The following ATG2A variants were observed in gnomAD, a reference collection of about 807,000 sequenced individuals.
ATG2A encodes the protein autophagy related 2A, also known as autophagy-related protein 2 homolog A.
In ATG2A, 103 loss-of-function variants were observed where a neutral mutation model predicts 214.2. The observed-to-expected ratio is 0.48, with a 90% CI of 0.41 to 0.57. The LOEUF is 0.57. ATG2A is among the 20% of genes least tolerant of loss of function. The pLI, the probability that ATG2A is intolerant of heterozygous loss-of-function variation, is 0.00. For synonymous variants in ATG2A, 1,160 were observed against 1,142.1 expected, an observed-to-expected ratio of 1.02 and a Z score of -0.32; for missense variants, 2,312 against 2,613.2, an observed-to-expected ratio of 0.88 and a Z score of 2.51.
chr11:64,912,519 C>T, intron 6 of ATG2A, 96 bp from the exon 7 acceptor site: 1 of 1,061,678 alleles, frequency 9.4e-7, no homozygotes, highest in Admixed American at 2.8e-5. Context: ...AAGCAGGATG[C>T]TGGCTACCAA....
Position 64,898,943 on chromosome 11 carries a change from T to A in ATG2A, c.4465-101A>T, listed in dbSNP as rs1396507298. 10 of 1,156,840 alleles carry A rather than the reference T, an allele frequency of 8.6e-6. No individual in the cohort carries two copies. Among genetic ancestry groups the A allele is most frequent in the Non-Finnish European group, 1.2e-5 (10 of 819,916 alleles). 71.7% of individuals were successfully genotyped at this position (1,156,840 alleles called of 1,614,324 possible). On this transcript the variant is annotated intron_variant, in intron 31 of 40. Transcript: ENST00000377264. The surrounding 1 kb of genome is among the most constrained non-coding windows in gnomAD (Gnocchi z 4.5). ...TCTATTCTTTTTTTGAGACAGAGTC[T>A]CACTCTGTCGCCCAGGTTGGAGTGC...
chr11:64,897,318 G>A (rs996959290), intron 37 of ATG2A, 94 bp downstream of exon 37: 2 of 1,413,780 alleles, frequency 1.4e-6, no homozygotes, highest in Non-Finnish European at 9.7e-7. Context: ...CCCTGAGAAG[G>A]GTGATGACTT....
intron 14 of ATG2A, 139 bp from the exon 15 acceptor site, chr11:64,909,506 C>T: frequency 7.2e-7 from 1 of 1,397,156 alleles, no homozygotes; most frequent in Admixed American, 1.9e-5. Context: ...ACAAAGGGTC[C>T]ACCCTACTTG....
intron 1 of ATG2A, among the ~76,000 whole-genome samples, chr11:64,916,102 G>A (rs1478776947): frequency 5.9e-5 from 9 of 152,292 alleles, no homozygotes; most frequent in East Asian, 3.9e-4. Context: ...ACCAGGACGC[G>A]CCTCTAATTG....
intron 22 of ATG2A, 132 bp downstream of exon 22, chr11:64,905,981 G>C: frequency 7.3e-7 from 1 of 1,376,236 alleles, no homozygotes; most frequent in Non-Finnish European, 1.0e-6. Context: ...CCTTGCCCAG[G>C]AGCTCCGGAC....
In ATG2A at chr11:64,910,106, G is replaced by T; in HGVS notation, c.1797C>A (p.Ala599=). ...ANFQADVELG[A]LDRLAALLRL... is the part of the protein sequence containing the mutation. ...GCAGTAGGGCGGCCAGCCGGTCCAGGGCCCCCAGCTCCACGTCCGCCTGGA... is the reference window on the plus strand; with the variant it reads ...GCAGTAGGGCGGCCAGCCGGTCCAGTGCCCCCAGCTCCACGTCCGCCTGGA... The change falls in exon 13 of 41, where the codon GCC becomes GCA. Residue 599 remains alanine, a synonymous_variant. Transcript: ENST00000377264. 1 of 1,611,328 alleles carries T rather than the reference G, an allele frequency of 6.2e-7. No homozygotes were observed. The highest frequency in any genetic ancestry group is 1.1e-5 in the South Asian group (1 of 91,016).
In ATG2A at chr11:64,903,974, G is replaced by A. The variant is rs957610705; in HGVS notation, c.3465-314C>T. 1.3e-5 allele frequency among the ~76,000 whole-genome samples: 2 copies of A among 152,180 alleles called. No homozygotes were observed. Among genetic ancestry groups the A allele is most frequent in the Admixed American group, 6.5e-5 (1 of 15,280 alleles). On this transcript the variant is annotated intron_variant, in intron 24 of 40. Coordinates refer to ENST00000377264, the MANE Select transcript of ATG2A (RefSeq NM_015104.3). The surrounding 1 kb of genome is among the most constrained non-coding windows in gnomAD (Gnocchi z 4.2). Reference sequence around the variant, plus strand: ...ATAAGTCCTTATTTTTGGCTGGCGCGGTGGCTCACGCCTGTAATCCCAGCA... The same window carrying A: ...ATAAGTCCTTATTTTTGGCTGGCGCAGTGGCTCACGCCTGTAATCCCAGCA...
intron 24 of ATG2A, 59 bp downstream of exon 24, chr11:64,905,504 T>A (rs1944509796): frequency 6.7e-7 from 1 of 1,500,236 alleles, no homozygotes; most frequent in Admixed American, 1.9e-5. Flanking sequence ...GACACACAGC[T>A]GGCAGGCAGC....
intron 1 of ATG2A, among the ~76,000 whole-genome samples, 182 bp from the exon 2 acceptor site, chr11:64,914,682 C>T (rs542453113): frequency 5.9e-5 from 9 of 152,290 alleles, no homozygotes; most frequent in African/African-American, 1.9e-4. Flanking sequence ...CCCCCTACCC[C>T]GTCACCCAAA....
rs902795385 is a variant in ATG2A at position 64,894,897 on chromosome 11, G to A, written c.*76C>T. 25 of 1,548,908 alleles carry A rather than the reference G, an allele frequency of 1.6e-5. No individual in the cohort carries two copies. The highest frequency in any genetic ancestry group is 2.2e-5 in the East Asian group (1 of 44,616). Reference sequence around the variant, plus strand: ...ATCCCCTGAAGGGCCAGGCCGGGCCGGGCCCGTGGGCTGCAGCTCTTGGGA... The same window carrying A: ...ATCCCCTGAAGGGCCAGGCCGGGCCAGGCCCGTGGGCTGCAGCTCTTGGGA... On this transcript the variant is annotated 3_prime_UTR_variant, in exon 41 of 41. Transcript: ENST00000377264.
chr11:64,912,354 C>T lies in ATG2A; in HGVS notation c.895G>A (p.Glu299Lys). 6 of 1,501,998 alleles carry T rather than the reference C, an allele frequency of 4.0e-6. No individual in the cohort carries two copies. The highest frequency in any genetic ancestry group is 5.4e-6 in the Non-Finnish European group (6 of 1,115,114). The allele number at this position is 1,501,998 out of a possible 1,614,324, so 93.0% of individuals were successfully genotyped here. A position where few individuals can be genotyped will look rare whatever the true frequency, so the allele number is the denominator to read the frequency against. Residue 299 changes from glutamate (E) to lysine (K), a missense_variant, in exon 7 of 41, where the codon GAA becomes AAA. Transcript: ENST00000377264. ...LTPRQLQQLQ[E>K]LLSAVSLTDH... Reference sequence around the variant, plus strand: ...GTAAGGCTCACGGCGCTGAGCAGTTCCTGAAGTTGCTGGAGCTGCCTCGGG... The same window carrying T: ...GTAAGGCTCACGGCGCTGAGCAGTTTCTGAAGTTGCTGGAGCTGCCTCGGG...
At position 64,897,474 on chromosome 11, in the gene ATG2A, G is replaced by A. The variant is rs1944195114; in HGVS notation, c.5088C>T (p.Leu1696=). The A allele has an allele frequency of 3.8e-6, 6 of 1,578,958 alleles. No homozygotes were observed. Among genetic ancestry groups the A allele is most frequent in the East Asian group, 4.6e-5 (2 of 43,052 alleles). The change falls in exon 37 of 41, where the codon CTC becomes CTT. Residue 1696 remains leucine (L), a synonymous_variant. Coordinates refer to ENST00000377264, the MANE Select transcript of ATG2A (RefSeq NM_015104.3). ...AGCAGTTGAGTTGGGCCAGGCCGAT[G>A]AGGAGGCCAGCAAAAGTGCCCTGGG... ...MDQVGTFAGL[L]IGLAQLNCSE...
chr11:64,900,658 C>A (rs374956228), intron 30 of ATG2A, 29 bp from the exon 31 acceptor site: 1 of 1,566,834 alleles, frequency 6.4e-7, no homozygotes, highest in Non-Finnish European at 8.6e-7. Flanking sequence ...GCCAAGCTGA[C>A]TCAGAGGAAC....
At chr11:64,908,530 C>T (rs191629544) in intron 16 of ATG2A, among the ~76,000 whole-genome samples, 29 of 150,972 alleles carry the variant, frequency 1.9e-4, no homozygotes, top group African/African-American at 2.7e-4. Flanking sequence ...CCAGCCTCGG[C>T]GACACAGCAA....
In ATG2A at chr11:64,906,202, G is replaced by C. The variant is rs1182739661; in HGVS notation, c.3184-9C>G. The stretch of plus-strand genomic sequence containing the variant: ...AGTGTCACCAGGAACTCCTGAGGGT[G>C]GGGGCGCAGTCAGGGCAGTGGGGAG... On this transcript the variant is annotated splice_polypyrimidine_tract_variant and intron_variant, in intron 21 of 40. Transcript: ENST00000377264. 6.2e-7 allele frequency: 1 copy of C among 1,611,382 alleles called. No individual in the cohort carries two copies. Among genetic ancestry groups the C allele is most frequent in the East Asian group, 2.2e-5 (1 of 44,816 alleles).
chr11:64,902,187 G>C lies in ATG2A; in HGVS notation c.3905-11C>G. 2 of 1,612,922 alleles carry C rather than the reference G, an allele frequency of 1.2e-6. No homozygotes were observed. Among genetic ancestry groups the C allele is most frequent in the South Asian group, 2.2e-5 (2 of 91,090 alleles). On this transcript the variant is annotated splice_polypyrimidine_tract_variant and intron_variant, in intron 28 of 40. Transcript: ENST00000377264. Reference sequence around the variant, plus strand: ...GAGGGAGGTGGCCACCTATAGGAGAGAGGCCAGTTTGGAGAGGCGCCCACA... The same window carrying C: ...GAGGGAGGTGGCCACCTATAGGAGACAGGCCAGTTTGGAGAGGCGCCCACA...
Position 64,911,929 on chromosome 11 carries a change from C to CGG in ATG2A, c.1140_1141insCC (p.Glu381ProfsTer8). The CGG allele has an allele frequency of 1.1e-5, 18 of 1,613,536 alleles. No homozygotes were observed. Among genetic ancestry groups the CGG allele is most frequent in the Non-Finnish European group, 1.5e-5 (18 of 1,179,816 alleles). On this transcript the variant is annotated frameshift_variant, in exon 9 of 41. Coordinates refer to ENST00000377264, the MANE Select transcript of ATG2A (RefSeq NM_015104.3). LOFTEE classifies it high-confidence loss of function. Reference sequence around the variant, plus strand: ...AGGTCTACATCGGAGAGGGAGAGCTCAGAGAGGGCTGAGGCCACACTGCTT... The same window carrying CGG: ...AGGTCTACATCGGAGAGGGAGAGCTCGGAGAGAGGGCTGAGGCCACACTGCTT...
chr11:64,909,873 G>T lies in ATG2A; in HGVS notation c.1915C>A (p.Pro639Thr). Residue 639 changes from proline to threonine, a missense_variant, in exon 14 of 41, where the codon CCC (proline) becomes ACC (threonine). Transcript: ENST00000377264. Reference protein sequence around the residue: ...EQQTVFRLSAPRATLRLRFPI... With the variant: ...EQQTVFRLSATRATLRLRFPI... ...AAGCGCAGCCGCAGCGTGGCCCGGG[G>T]TGCAGAGAGCCGAAATACCGTCTGC... 6.2e-7 allele frequency: 1 copy of T among 1,608,916 alleles called. No individual in the cohort carries two copies. Among genetic ancestry groups the T allele is most frequent in the Admixed American group, 1.7e-5 (1 of 59,900 alleles).
chr11:64,902,079 A>G lies in ATG2A; in HGVS notation c.4002T>C (p.Ala1334=). 1 of 1,614,014 alleles carries G rather than the reference A, an allele frequency of 6.2e-7. No homozygotes were observed. ...PPPSPPVGGP[A]GSLGSCSEEK... ...CCTCTGAGCATGACCCTAAGCTGCC[A>G]GCAGGGCCCCCGACAGGTGGTGAAG... The change falls in exon 29 of 41, where the codon GCT becomes GCC. Residue 1334 remains alanine (A), a synonymous_variant. Coordinates refer to ENST00000377264, the MANE Select transcript of ATG2A (RefSeq NM_015104.3).
Sources: gnomAD v4.1 joint callset for allele counts (sites outside exome capture counted in the v4.1 genomes callset) on GRCh38, gnomAD v4.1.1 for gene constraint, Gnocchi (gnomAD v3.1) non-coding constraint, MANE v1.5 for transcripts, NCBI Gene and HGNC (gene_info 2026-07-23, HGNC 2026-07-21) for gene names.